Variants in TMEM217 observed in about 807,000 individuals in gnomAD.
TMEM217 encodes the protein chromosome 6 open reading frame 128.
For missense variants in TMEM217, 204 were observed against 248.8 expected, an observed-to-expected ratio of 0.82 and a Z score of 1.21; for synonymous variants, 76 against 88.3, an observed-to-expected ratio of 0.86 and a Z score of 0.78.
intron 1 of TMEM217, among the ~76,000 whole-genome samples, chr6:37,221,504 T>C (rs529077011): frequency 1.3e-5 from 2 of 152,308 alleles, no homozygotes; most frequent in East Asian, 1.9e-4. Context: ...TAGAATCTTA[T>C]AGCATTTGTG....
intron 1 of TMEM217, among the ~76,000 whole-genome samples, chr6:37,221,572 T>C (rs1763526428): frequency 6.6e-6 from 1 of 152,192 alleles, no homozygotes; most frequent in South Asian, 2.1e-4. Context: ...ATAGAATGTG[T>C]CAGAATTTTC....
In TMEM217 at chr6:37,218,520, T is replaced by TGG; in HGVS notation, c.510_511insCC (p.Thr171ProfsTer38). 1 of 1,614,170 alleles carries TGG rather than the reference T, an allele frequency of 6.2e-7. No homozygotes were observed. The highest frequency in any genetic ancestry group is 8.5e-7 in the Non-Finnish European group (1 of 1,180,040). On this transcript the variant is annotated frameshift_variant, in exon 2 of 2. Coordinates refer to ENST00000357219, the Ensembl canonical transcript of TMEM217. LOFTEE classifies it low-confidence loss of function (END_TRUNC). ...TTTCTGCTGTGGAGAATCTCCGCTG[T>TGG]AGAAATTCGTCTCTTGTAGGAAATT... is the stretch of plus-strand genomic sequence containing the variant.
chr6:37,253,162 T>C (rs1194303724), intron 1 of TMEM217, among the ~76,000 whole-genome samples: 1 of 152,220 alleles, frequency 6.6e-6, no homozygotes, highest in Non-Finnish European at 1.5e-5. Flanking sequence ...ATGTGCTATG[T>C]AGCATTCAAA....
intron 1 of TMEM217, among the ~76,000 whole-genome samples, chr6:37,246,451 C>A (rs974272151): frequency 2.0e-5 from 3 of 152,132 alleles, no homozygotes; most frequent in African/African-American, 7.2e-5. Flanking sequence ...TGCTCACATT[C>A]CACTGGCCAG....
At chr6:37,251,662 T>C (rs958675697) in intron 1 of TMEM217, among the ~76,000 whole-genome samples, 4 of 152,188 alleles carry the variant, frequency 2.6e-5, no homozygotes, top group Non-Finnish European at 5.9e-5. Flanking sequence ...AAAACATGCA[T>C]GGGAATGCTG....
intron 1 of TMEM217, among the ~76,000 whole-genome samples, chr6:37,219,858 A>T (rs1183700977): frequency 2.0e-5 from 3 of 152,206 alleles, no homozygotes; most frequent in Non-Finnish European, 2.9e-5. Context: ...TAACCAGGGC[A>T]GCACAAGAAC....
At chr6:37,242,271 G>A (rs1353000922) in intron 1 of TMEM217, among the ~76,000 whole-genome samples, 2 of 152,196 alleles carry the variant, frequency 1.3e-5, no homozygotes, top group East Asian at 1.9e-4. Flanking sequence ...CTGGGAGAGA[G>A]TCAAACACAG....
At chr6:37,231,689 A>T (rs916342438) in intron 1 of TMEM217, among the ~76,000 whole-genome samples, 1 of 147,718 alleles carries the variant, frequency 6.8e-6, no homozygotes, top group Non-Finnish European at 1.5e-5. Context: ...AAAAAAAAAA[A>T]TTCAACAGAA....
intron 1 of TMEM217, among the ~76,000 whole-genome samples, chr6:37,223,511 A>C (rs899698022): frequency 2.0e-5 from 3 of 152,128 alleles, no homozygotes; most frequent in Non-Finnish European, 4.4e-5. Context: ...CTCAACTCAA[A>C]TATTTTTCTT....
chr6:37,238,398 GTTAGC>G (rs1253654097), intron 1 of TMEM217, among the ~76,000 whole-genome samples: 1 of 152,172 alleles, frequency 6.6e-6, no homozygotes, highest in Non-Finnish European at 1.5e-5. Context: ...AGCAGACACC[GTTAGC>G]TTCCTTCCCA....
exon 2 of TMEM217, chr6:37,217,736 T>C (rs2113808059): frequency 1.0e-6 from 1 of 985,394 alleles, no homozygotes; most frequent in African/African-American, 1.7e-5. Context: ...GGGCCAACAG[T>C]ATCCTTTGTG....
chr6:37,246,897 T>A (rs1244930575), intron 1 of TMEM217, among the ~76,000 whole-genome samples: 2 of 68,446 alleles, frequency 2.9e-5, no homozygotes, highest in Non-Finnish European at 6.4e-5. Context: ...AGCAAGACTC[T>A]GTCTCAAAAA....
chr6:37,215,856 T>C (rs1763173570), downstream of TMEM217, among the ~76,000 whole-genome samples: 1 of 152,010 alleles, frequency 6.6e-6, no homozygotes, highest in Non-Finnish European at 1.5e-5. Context: ...GCAAAAGCCA[T>C]TTTGGAAACA....
downstream of TMEM217, chr6:37,212,821 G>T: frequency 2.2e-6 from 2 of 924,768 alleles, no homozygotes; most frequent in Non-Finnish European, 1.7e-6. Flanking sequence ...CAGGGTCCAA[G>T]TGACTAGCTC....
exon 2 of TMEM217, chr6:37,218,962 G>A (rs1299342244): frequency 1.2e-6 from 2 of 1,614,210 alleles, no homozygotes; most frequent in Non-Finnish European, 8.5e-7. Flanking sequence ...CTACGGCCAT[G>A]ATGGTGAAGA....
At chr6:37,255,816 T>C (rs1467404613) in intron 1 of TMEM217, among the ~76,000 whole-genome samples, 1 of 152,076 alleles carries the variant, frequency 6.6e-6, no homozygotes, top group Non-Finnish European at 1.5e-5. Context: ...GGTGACCAAG[T>C]GGTAGTGGTG....
chr6:37,228,868 G>A (rs2113847625), intron 1 of TMEM217, among the ~76,000 whole-genome samples: 1 of 151,618 alleles, frequency 6.6e-6, no homozygotes, highest in African/African-American at 2.4e-5. Context: ...GTGGTGGCGG[G>A]TGCCTGTAGT....
exon 4 of TMEM217, chr6:37,212,267 C>T (rs1055461): frequency 0.11 from 37,417 of 347,900 alleles, 2,247 homozygotes; most frequent in Admixed American, 0.13. Flanking sequence ...TCCGCACAAC[C>T]TGCCCTCTCC....
intron 1 of TMEM217, among the ~76,000 whole-genome samples, chr6:37,251,833 T>C (rs1765414704): frequency 6.6e-6 from 1 of 152,220 alleles, no homozygotes; most frequent in Non-Finnish European, 1.5e-5. Flanking sequence ...AAATTACCAA[T>C]GATGGGCCAA....
Sources: allele counts gnomAD v4.1 joint callset (sites outside exome capture counted in the v4.1 genomes callset), GRCh38; gene constraint gnomAD v4.1.1; transcripts MANE v1.5; gene names NCBI Gene and HGNC (gene_info 2026-07-23, HGNC 2026-07-21).